DSCAML1: variants seen among roughly 807,000 people sequenced by gnomAD.
DSCAML1 encodes the protein DS cell adhesion molecule like 1.
In DSCAML1, 38 loss-of-function variants were observed where a neutral mutation model predicts 200.5. The observed-to-expected ratio is 0.19, with a 90% CI of 0.15 to 0.25. The LOEUF is 0.25. Ranked by LOEUF, DSCAML1 falls within the 10% of genes least tolerant of loss-of-function variation. The probability of loss-of-function intolerance (pLI) is 1.00; values close to 1 mark genes in which losing one functional copy is unlikely to be tolerated. For synonymous variants in DSCAML1, 1,215 were observed against 1,165.0 expected (o/e 1.04, Z -0.87); for missense variants, 2,223 against 2,858.8 (o/e 0.78, Z 5.07).
chr11:117,459,354 C>T (rs1345557177), intron 18 of DSCAML1, among the ~76,000 whole-genome samples: 2 of 152,238 alleles, frequency 1.3e-5, no homozygotes, highest in Admixed American at 1.3e-4. Flanking sequence ...CGCCTTGGGC[C>T]GCCAGACCTC....
intron 16 of DSCAML1, 86 bp from the exon 17 acceptor site, chr11:117,465,268 C>T: frequency 1.9e-6 from 3 of 1,545,172 alleles, no homozygotes; most frequent in Non-Finnish European, 2.6e-6. Context: ...TCATGTCACT[C>T]CTCTGCCCCA....
At chr11:117,582,868 T>G (rs1386143054) in intron 3 of DSCAML1, among the ~76,000 whole-genome samples, 1 of 152,182 alleles carries the variant, frequency 6.6e-6, no homozygotes, top group African/African-American at 2.4e-5. Flanking sequence ...AAACATGGAA[T>G]GATTTCAGTA....
At chr11:117,610,568 T>C (rs188679992) in intron 3 of DSCAML1, among the ~76,000 whole-genome samples, 3 of 151,960 alleles carry the variant, frequency 2.0e-5, no homozygotes, top group African/African-American at 7.3e-5. Context: ...GAAGAGGTAA[T>C]GGAGGTATGG....
chr11:117,576,714 A>G (rs780321697), intron 3 of DSCAML1, among the ~76,000 whole-genome samples: 19 of 152,144 alleles, frequency 1.2e-4, no homozygotes, highest in Admixed American at 4.6e-4. Flanking sequence ...TTTTGTACCC[A>G]AAACCCTTCT....
At chr11:117,471,151 T>A (rs1420952304) in intron 15 of DSCAML1, among the ~76,000 whole-genome samples, 1 of 152,144 alleles carries the variant, frequency 6.6e-6, no homozygotes, top group Non-Finnish European at 1.5e-5. Flanking sequence ...AAACTGCACA[T>A]ATATGTCATG....
At position 117,443,997 on chromosome 11, in the gene DSCAML1, G is replaced by A. The variant is rs753370842; in HGVS notation, c.3751C>T (p.Arg1251Trp). ...TGACCGCGGTTTAGGTGGGCGATCC[G>A]GTAGAAGAGCTGCTCTGGACTCGTC... ...YETSPEQLFY[R>W]IAHLNRGQQY... Residue 1251 changes from arginine to tryptophan, a missense_variant, in exon 21 of 33, where the codon CGG becomes TGG. This residue lies in a region of DSCAML1 where 614 missense variants were observed against 739.1 expected (regional missense o/e 0.83). Coordinates refer to ENST00000651296, the MANE Select transcript of DSCAML1 (RefSeq NM_020693.4). 3 of 1,613,914 alleles carry A rather than the reference G, an allele frequency of 1.9e-6. No homozygotes were observed. Among genetic ancestry groups the A allele is most frequent in the Admixed American group, 1.7e-5 (1 of 60,018 alleles).
At chr11:117,777,778 C>T (rs776826860) in intron 2 of DSCAML1, among the ~76,000 whole-genome samples, 1 of 152,138 alleles carries the variant, frequency 6.6e-6, no homozygotes, top group African/African-American at 2.4e-5. Flanking sequence ...CAACTGCAGC[C>T]GCTGTATGTG....
At chr11:117,578,006 G>A (rs953939646) in intron 3 of DSCAML1, among the ~76,000 whole-genome samples, 6 of 151,730 alleles carry the variant, frequency 4.0e-5, no homozygotes, top group Admixed American at 6.6e-5. Context: ...AGGCTGGGAT[G>A]GGTGGATCAC....
chr11:117,436,592 T>A (rs779334904), intron 26 of DSCAML1, among the ~76,000 whole-genome samples: 10 of 152,056 alleles, frequency 6.6e-5, no homozygotes, highest in Non-Finnish European at 1.3e-4. Flanking sequence ...TAGGAACTGG[T>A]AGTATGCCTT....
At position 117,570,184 on chromosome 11, in the gene DSCAML1, G is replaced by A. The variant is rs572323073; in HGVS notation, c.512-37662C>T. Among the ~76,000 whole-genome samples the A allele has an allele frequency of 2.1e-3, 322 of 152,144 alleles. 1 individual carries two copies. Among genetic ancestry groups the A allele is most frequent in the African/African-American group, 7.3e-3 (303 of 41,528 alleles). Reference sequence around the variant, plus strand: ...CTAGAATGGCGGGGTCGGCTGGCGCGTCTCAGATGCTATCCTGGAGATGAT... The same window carrying A: ...CTAGAATGGCGGGGTCGGCTGGCGCATCTCAGATGCTATCCTGGAGATGAT... On this transcript the variant is annotated intron_variant, in intron 3 of 32. Transcript: ENST00000651296.
At chr11:117,514,572 C>CTTTTTTTTT (rs532136039) in intron 8 of DSCAML1, among the ~76,000 whole-genome samples, 23 of 98,286 alleles carry the variant, frequency 2.3e-4, no homozygotes, top group East Asian at 4.0e-4. Context: ...TTTTCTTTTT[C>CTTTTTTTTT]TTTTTTTTTT....
At chr11:117,580,705 C>T (rs1462365525) in intron 3 of DSCAML1, among the ~76,000 whole-genome samples, 3 of 152,132 alleles carry the variant, frequency 2.0e-5, no homozygotes, top group African/African-American at 7.2e-5. Flanking sequence ...TCACCTGGAG[C>T]CTTCTTCTTT....
At chr11:117,765,040 C>G (rs551380743) in intron 3 of DSCAML1, among the ~76,000 whole-genome samples, 3 of 152,206 alleles carry the variant, frequency 2.0e-5, no homozygotes, top group Non-Finnish European at 4.4e-5. Context: ...TCTGGCAGAT[C>G]CTGTGACCCT....
chr11:117,816,438 G>C (rs183198138), intron 1 of DSCAML1, among the ~76,000 whole-genome samples: 1 of 152,364 alleles, frequency 6.6e-6, no homozygotes, highest in African/African-American at 2.4e-5. Context: ...AGCCTGCTAG[G>C]AATGAAGAAT....
intron 3 of DSCAML1, among the ~76,000 whole-genome samples, chr11:117,580,962 C>T (rs897950408): frequency 6.6e-6 from 1 of 152,200 alleles, no homozygotes; most frequent in Non-Finnish European, 1.5e-5. Context: ...CCCAGGTCTG[C>T]CAGCCTGCCA....
intron 3 of DSCAML1, among the ~76,000 whole-genome samples, chr11:117,684,086 C>G (rs1265192913): frequency 6.6e-6 from 1 of 152,192 alleles, no homozygotes; most frequent in Non-Finnish European, 1.5e-5. Context: ...GATTCTACCT[C>G]CCACTACTGC....
At chr11:117,779,327 G>A (rs1215844446) in intron 2 of DSCAML1, among the ~76,000 whole-genome samples, 1 of 152,108 alleles carries the variant, frequency 6.6e-6, no homozygotes, top group Non-Finnish European at 1.5e-5. Flanking sequence ...AGTGAAGAAT[G>A]GCTGATCTTA....
chr11:117,815,496 T>TC (rs1416772334), intron 1 of DSCAML1, among the ~76,000 whole-genome samples: 2 of 152,076 alleles, frequency 1.3e-5, no homozygotes, highest in Non-Finnish European at 2.9e-5. Context: ...TCTTCTCCCC[T>TC]CCCTGCTGCC....
At chr11:117,525,188 C>A (rs992201543) in intron 4 of DSCAML1, 105 bp from the exon 5 acceptor site, 3 of 1,351,860 alleles carry the variant, frequency 2.2e-6, no homozygotes, top group Non-Finnish European at 1.9e-6. Flanking sequence ...TGCCCACTGG[C>A]GCCCACAGCG....
Sources: allele counts gnomAD v4.1 joint callset (sites outside exome capture counted in the v4.1 genomes callset), GRCh38; gene constraint gnomAD v4.1.1; regional missense constraint gnomAD v4.1.1; transcripts MANE v1.5; gene names NCBI Gene and HGNC (gene_info 2026-07-23, HGNC 2026-07-21).